Variants in SPNS3 observed in about 807,000 individuals in gnomAD.
SPNS3 encodes SPNS lysolipid transporter 3, sphingosine-1-phosphate (putative).
A neutral mutation model predicts 54.4 loss-of-function variants in SPNS3; 51 were observed. That is an observed-to-expected ratio of 0.94 (90% CI 0.75 to 1.18). The LOEUF (loss-of-function observed/expected upper bound fraction) is 1.18, where lower values mean the gene tolerates loss of function less well. Ranked by LOEUF, SPNS3 falls within the 50% of genes most tolerant of loss-of-function variation. SPNS3 has a pLI of 0.00. For missense variants in SPNS3, 669 were observed against 677.4 expected, an observed-to-expected ratio of 0.99 and a Z score of 0.14; for synonymous variants, 309 against 294.7, an observed-to-expected ratio of 1.05 and a Z score of -0.50.
intron 7 of SPNS3, among the ~76,000 whole-genome samples, chr17:4,450,750 C>T (rs1458371184): frequency 6.8e-6 from 1 of 146,636 alleles, no homozygotes; most frequent in East Asian, 2.0e-4. Context: ...GCATGTGCTA[C>T]CATGCCCAGC....
chr17:4,477,989 T>TTTTTTTTTTTTTGG (rs1972053520), intron 8 of SPNS3, among the ~76,000 whole-genome samples: 1 of 142,870 alleles, frequency 7.0e-6, no homozygotes, highest in Non-Finnish European at 1.5e-5. Flanking sequence ...TTTTTTTTTT[T>TTTTTTTTTTTTTGG]GAGGCGGAGT....
At chr17:4,447,019 C>T (rs1597309016) in intron 5 of SPNS3, 57 bp downstream of exon 5, 1 of 1,599,914 alleles carries the variant, frequency 6.3e-7, no homozygotes, top group Non-Finnish European at 8.6e-7. Context: ...CAGGGACTTT[C>T]CAGCCTTGGG....
At chr17:4,448,458 G>A (rs1275630261) in intron 6 of SPNS3, among the ~76,000 whole-genome samples, 155 bp downstream of exon 6, 5 of 152,266 alleles carry the variant, frequency 3.3e-5, no homozygotes, top group Non-Finnish European at 5.9e-5. Flanking sequence ...ACCAACTGAA[G>A]TGCCTCTCCC....
intron 8 of SPNS3, among the ~76,000 whole-genome samples, chr17:4,455,354 A>G (rs1390829684): frequency 2.0e-5 from 3 of 152,104 alleles, no homozygotes; most frequent in Admixed American, 1.3e-4. Context: ...CTCTCCAGAG[A>G]TGAGCAGGCA....
intron 8 of SPNS3, 21 bp downstream of exon 8, chr17:4,453,226 A>C: frequency 1.2e-6 from 2 of 1,601,280 alleles, no homozygotes; most frequent in Admixed American, 3.4e-5. Context: ...GCCTCTATGG[A>C]GGTGGGGACA....
At chr17:4,451,099 A>T (rs532819231) in intron 7 of SPNS3, among the ~76,000 whole-genome samples, 69 of 152,164 alleles carry the variant, frequency 4.5e-4, no homozygotes, top group Non-Finnish European at 2.9e-5. Context: ...TCTCATGAAT[A>T]TCTCGAGAAC....
chr17:4,465,692 T>C (rs1483096434), intron 8 of SPNS3, among the ~76,000 whole-genome samples: 1 of 152,068 alleles, frequency 6.6e-6, no homozygotes, highest in Non-Finnish European at 1.5e-5. Context: ...GCCACCAATG[T>C]GCTCCAGCCT....
At chr17:4,474,354 C>T (rs562494296) in intron 8 of SPNS3, among the ~76,000 whole-genome samples, 3 of 152,316 alleles carry the variant, frequency 2.0e-5, no homozygotes. Flanking sequence ...GGTCTGTGTC[C>T]TGGGGCCTGT....
chr17:4,478,262 G>A lies in SPNS3; in HGVS notation c.1114-310G>A, dbSNP rs577046871. 3.9e-5 allele frequency among the ~76,000 whole-genome samples: 6 copies of A among 152,104 alleles called. No individual in the cohort carries two copies. In the South Asian group the frequency reaches 6.2e-4, roughly 16 times the overall value. On this transcript the variant is annotated intron_variant, in intron 8 of 11. Coordinates refer to ENST00000355530, the MANE Select transcript of SPNS3 (RefSeq NM_182538.5). ...GCTGGAATTACAGGCTTGAGCCACC[G>A]TGCCTGGCTTAAAGTCTGTTTTCTT...
intron 1 of SPNS3, among the ~76,000 whole-genome samples, chr17:4,437,689 A>AT: frequency 6.6e-6 from 1 of 151,828 alleles, no homozygotes; most frequent in Admixed American, 6.6e-5. Flanking sequence ...ATAAAATAAA[A>AT]ATAAAAAACA....
intron 8 of SPNS3, among the ~76,000 whole-genome samples, chr17:4,456,500 G>A (rs1971318630): frequency 6.6e-6 from 1 of 152,042 alleles, no homozygotes; most frequent in African/African-American, 2.4e-5. Flanking sequence ...CACTTTTGTG[G>A]GGAAGGTTTT....
intron 5 of SPNS3, 34 bp from the exon 6 acceptor site, chr17:4,448,121 C>A (rs752955650): frequency 3.2e-6 from 5 of 1,541,110 alleles, no homozygotes; most frequent in East Asian, 2.4e-5. Flanking sequence ...TGATAATATG[C>A]GGCCCTGAGC....
chr17:4,458,625 C>CTTTCTTTCTTTCTTTCTTTCT (rs1971405724), intron 8 of SPNS3, among the ~76,000 whole-genome samples: 4 of 126,802 alleles, frequency 3.2e-5, no homozygotes, highest in South Asian at 5.0e-4. Context: ...TTCTTTCTTT[C>CTTTCTTTCTTTCTTTCTTTCT]TTTCTTTCTT....
chr17:4,474,984 G>A (rs1039068713), intron 8 of SPNS3, among the ~76,000 whole-genome samples: 1 of 152,154 alleles, frequency 6.6e-6, no homozygotes, highest in Non-Finnish European at 1.5e-5. Context: ...TTGTGTGTTG[G>A]TCTCACGTGC....
chr17:4,482,372 T>C (rs1029584784), intron 9 of SPNS3: 11 of 152,120 alleles, frequency 7.2e-5, no homozygotes. Flanking sequence ...ATTCAGTGGG[T>C]CCGTGCTGGG....
rs201101523 is a variant in SPNS3, at chr17:4,486,608, C to T, written c.1450+25C>T. 27 of 1,591,218 alleles carry T rather than the reference C, an allele frequency of 1.7e-5. No individual in the cohort carries two copies. The highest frequency in any genetic ancestry group is 3.4e-5 in the South Asian group (3 of 89,270). On this transcript the variant is annotated intron_variant, in intron 11 of 11. Coordinates refer to ENST00000355530, the MANE Select transcript of SPNS3 (RefSeq NM_182538.5). The surrounding 1 kb of genome is among the most constrained non-coding windows in gnomAD (Gnocchi z 5.5). ...GGTACCCTACCCATTGCACCAGGCCCGGCTCAGGGCCGGCACCCTAGGGAC... is the reference window on the plus strand; with the variant it reads ...GGTACCCTACCCATTGCACCAGGCCTGGCTCAGGGCCGGCACCCTAGGGAC...
chr17:4,486,278 G>A lies in SPNS3; in HGVS notation c.1230G>A (p.Thr410=), dbSNP rs777513263. Reference sequence around the variant, plus strand: ...GGACGGCAGAGGCACTTCAGATCACGGTGGGCCACATCCTGGGAGACGCTG... The same window carrying A: ...GGACGGCAGAGGCACTTCAGATCACAGTGGGCCACATCCTGGGAGACGCTG... ...CRGTAEALQI[T]VGHILGDAGS... is the part of the protein sequence containing the mutation. Residue 410 remains threonine, a synonymous_variant, in exon 10 of 12, where the codon ACG becomes ACA. Coordinates refer to ENST00000355530, the MANE Select transcript of SPNS3 (RefSeq NM_182538.5). This position sits in a 1 kb window ranked among gnomAD's most constrained non-coding sequence, Gnocchi z 5.5. 1.4e-5 allele frequency: 22 copies of A among 1,592,010 alleles called. No individual in the cohort carries two copies. Among genetic ancestry groups the A allele is most frequent in the African/African-American group, 4.1e-5 (3 of 73,610 alleles).
At chr17:4,460,213 G>A (rs1971459259) in intron 8 of SPNS3, among the ~76,000 whole-genome samples, 1 of 152,166 alleles carries the variant, frequency 6.6e-6, no homozygotes, top group African/African-American at 2.4e-5. Context: ...GATCATGTAG[G>A]ATGTTGTGGG....
chr17:4,467,465 C>G (rs1272376730), intron 8 of SPNS3, among the ~76,000 whole-genome samples: 1 of 152,050 alleles, frequency 6.6e-6, no homozygotes, highest in African/African-American at 2.4e-5. Context: ...TCCACGCTGA[C>G]CTTACTCACC....
Sources: gnomAD v4.1 joint callset for allele counts (sites outside exome capture counted in the v4.1 genomes callset) on GRCh38, gnomAD v4.1.1 for gene constraint, Gnocchi (gnomAD v3.1) non-coding constraint, MANE v1.5 for transcripts, NCBI Gene and HGNC (gene_info 2026-07-23, HGNC 2026-07-21) for gene names.